Variants in FER observed in about 807,000 individuals in gnomAD.
The protein encoded by FER is FER tyrosine kinase.
FER carries 63 observed loss-of-function variants against 111.0 expected under a neutral mutation model. That is an observed-to-expected ratio of 0.57 (90% CI 0.46 to 0.70). The LOEUF is 0.70. FER is among the 30% of genes least tolerant of loss of function. The pLI, the probability that FER is intolerant of heterozygous loss-of-function variation, is 0.00. For synonymous variants in FER, 327 were observed against 313.9 expected, an observed-to-expected ratio of 1.04 and a Z score of -0.44; for missense variants, 914 against 954.0, an observed-to-expected ratio of 0.96 and a Z score of 0.55.
chr5:109,007,680 GTT>G (rs1315482644), intron 13 of FER, among the ~76,000 whole-genome samples: 1 of 152,142 alleles, frequency 6.6e-6, no homozygotes, highest in African/African-American at 2.4e-5. Flanking sequence ...AGTTGAAAGA[GTT>G]TTTGAGTTTT....
At chr5:109,002,009 G>T (rs1308816409) in intron 13 of FER, among the ~76,000 whole-genome samples, 1 of 151,874 alleles carries the variant, frequency 6.6e-6, no homozygotes, top group Non-Finnish European at 1.5e-5. Flanking sequence ...CATGCTCATG[G>T]GTAGGAAGAA....
intron 3 of FER, among the ~76,000 whole-genome samples, chr5:108,829,128 C>G (rs1381180985): frequency 2.6e-5 from 4 of 152,152 alleles, no homozygotes; most frequent in Non-Finnish European, 1.5e-5. Context: ...ATTTTACTCT[C>G]CTCTCTTTTA....
intron 16 of FER, among the ~76,000 whole-genome samples, chr5:109,085,603 A>T (rs200845087): frequency 1.3e-5 from 2 of 151,584 alleles, no homozygotes; most frequent in East Asian, 3.9e-4. Context: ...GTAAGTAGTA[A>T]GTGCAGGCAT....
At chr5:109,035,055 T>A (rs542472843) in intron 13 of FER, among the ~76,000 whole-genome samples, 10 of 148,442 alleles carry the variant, frequency 6.7e-5, no homozygotes, top group East Asian at 5.8e-4. Context: ...TTTTTTTTTT[T>A]ACTGAGTCTC....
At chr5:109,008,876 A>C (rs1382594384) in intron 13 of FER, among the ~76,000 whole-genome samples, 3 of 152,002 alleles carry the variant, frequency 2.0e-5, no homozygotes, top group Middle Eastern at 3.2e-3. Flanking sequence ...AGGGTGAGGC[A>C]GGAGAATTGC....
At chr5:108,980,872 A>C (rs1169634186) in intron 13 of FER, among the ~76,000 whole-genome samples, 1 of 152,178 alleles carries the variant, frequency 6.6e-6, no homozygotes, top group South Asian at 2.1e-4. Context: ...CATTCAACTT[A>C]TAATTCAGAT....
At chr5:108,770,889 G>A (rs1213236002) in intron 2 of FER, among the ~76,000 whole-genome samples, 1 of 151,618 alleles carries the variant, frequency 6.6e-6, no homozygotes, top group South Asian at 2.1e-4. Flanking sequence ...TGTATTATTC[G>A]TTTCTTCTAA....
chr5:108,767,546 A>G (rs779636739), intron 1 of FER, among the ~76,000 whole-genome samples: 53 of 152,278 alleles, frequency 3.5e-4, no homozygotes, highest in Non-Finnish European at 6.6e-4. Flanking sequence ...GTGCAGTGGC[A>G]TGATCATGGC....
chr5:108,939,209 A>AT (rs1755923664), intron 10 of FER, among the ~76,000 whole-genome samples: 1 of 151,588 alleles, frequency 6.6e-6, no homozygotes, highest in Non-Finnish European at 1.5e-5. Context: ...TTTATAAAGA[A>AT]TTTAATCTAC....
intron 16 of FER, among the ~76,000 whole-genome samples, chr5:109,073,429 T>A (rs1161790393): frequency 2.6e-5 from 4 of 152,118 alleles, no homozygotes; most frequent in Admixed American, 1.3e-4. Context: ...TTAAGGATAA[T>A]ATGAGCTCTG....
At chr5:109,059,867 A>G (rs1017688410) in intron 16 of FER, among the ~76,000 whole-genome samples, 2 of 152,196 alleles carry the variant, frequency 1.3e-5, no homozygotes, top group African/African-American at 4.8e-5. Flanking sequence ...GTCCGTGCAA[A>G]TACTTGTATG....
At chr5:109,183,477 G>C (rs1233706199) in intron 18 of FER, among the ~76,000 whole-genome samples, 1 of 152,106 alleles carries the variant, frequency 6.6e-6, no homozygotes, top group Non-Finnish European at 1.5e-5. Context: ...TCGAACTCCT[G>C]ACCTCTGGTG....
At chr5:109,180,309 G>T (rs998017897) in intron 17 of FER, among the ~76,000 whole-genome samples, 1 of 152,128 alleles carries the variant, frequency 6.6e-6, no homozygotes, top group Non-Finnish European at 1.5e-5. Context: ...GCTATTTAAT[G>T]TAACTAAAAG....
intron 17 of FER, among the ~76,000 whole-genome samples, chr5:109,134,940 T>C (rs145047580): frequency 7.0e-4 from 107 of 152,274 alleles, no homozygotes; most frequent in African/African-American, 2.4e-3. Context: ...TCCCATGAGA[T>C]TGTGATCTTC....
chr5:109,126,319 A>C (rs1338148336), intron 17 of FER, among the ~76,000 whole-genome samples: 1 of 152,134 alleles, frequency 6.6e-6, no homozygotes, highest in Non-Finnish European at 1.5e-5. Flanking sequence ...TAAGCACTCT[A>C]GCCTTCATTC....
At chr5:109,181,712 T>A (rs973933556) in intron 18 of FER, among the ~76,000 whole-genome samples, 1 of 152,184 alleles carries the variant, frequency 6.6e-6, no homozygotes, top group South Asian at 2.1e-4. Context: ...ATGCCTTAAT[T>A]TAATTCCCAA....
At chr5:108,803,075 T>A (rs1756848689) in intron 3 of FER, among the ~76,000 whole-genome samples, 2 of 152,210 alleles carry the variant, frequency 1.3e-5, no homozygotes, top group Admixed American at 1.3e-4. Flanking sequence ...TGGTCTTGAT[T>A]TGCATTTATC....
chr5:109,062,101 A>G (rs1561845026), intron 16 of FER, among the ~76,000 whole-genome samples: 1 of 152,148 alleles, frequency 6.6e-6, no homozygotes, highest in Admixed American at 6.6e-5. Flanking sequence ...TCTAAATGGC[A>G]ATGGGTAATA....
chr5:109,059,881 A>G (rs564838666), intron 16 of FER, among the ~76,000 whole-genome samples: 3 of 152,352 alleles, frequency 2.0e-5, no homozygotes, highest in Admixed American at 6.5e-5. Context: ...TTGTATGTAA[A>G]TGATTATAGA....
Sources: allele counts gnomAD v4.1 joint callset (sites outside exome capture counted in the v4.1 genomes callset), GRCh38; gene constraint gnomAD v4.1.1; transcripts MANE v1.5; gene names NCBI Gene and HGNC (gene_info 2026-07-23, HGNC 2026-07-21).